DCDC1: variants seen among roughly 807,000 people sequenced by gnomAD.
DCDC1 encodes the protein doublecortin domain-containing protein 1.
In DCDC1, 200 loss-of-function variants were observed where a neutral mutation model predicts 178.3. The observed-to-expected ratio is 1.12, with a 90% CI of 1.00 to 1.26. DCDC1 has a LOEUF of 1.26. Ranked by LOEUF, DCDC1 falls within the 50% of genes most tolerant of loss-of-function variation. The pLI is 0.00. For synonymous variants in DCDC1, 690 were observed against 604.8 expected (o/e 1.14, Z -2.07); for missense variants, 1,983 against 1,749.2 (o/e 1.13, Z -2.38).
At chr11:30,961,976 C>T (rs1231259469) in intron 20 of DCDC1, among the ~76,000 whole-genome samples, 1 of 151,944 alleles carries the variant, frequency 6.6e-6, no homozygotes, top group Admixed American at 6.6e-5. Context: ...GTTAGATGCA[C>T]CGCTGAAACC....
At chr11:31,338,649 G>C (rs1189177450) in intron 1 of DCDC1, among the ~76,000 whole-genome samples, 1 of 152,120 alleles carries the variant, frequency 6.6e-6, no homozygotes, top group African/African-American at 2.4e-5. Flanking sequence ...AGCAGAAGTG[G>C]CATATGTGAT....
At chr11:31,189,927 A>G (rs756834924) in intron 9 of DCDC1, among the ~76,000 whole-genome samples, 1 of 152,238 alleles carries the variant, frequency 6.6e-6, no homozygotes, top group Non-Finnish European at 1.5e-5. Context: ...TTGAAGTGCC[A>G]TTATTTGGCC....
At chr11:30,984,917 A>G (rs1286763642) in intron 20 of DCDC1, among the ~76,000 whole-genome samples, 3 of 152,192 alleles carry the variant, frequency 2.0e-5, no homozygotes, top group Admixed American at 6.5e-5. Flanking sequence ...GGCAAGAAAT[A>G]CAGTTTTTCC....
At chr11:30,997,253 A>T (rs1234824833) in intron 20 of DCDC1, among the ~76,000 whole-genome samples, 4 of 152,216 alleles carry the variant, frequency 2.6e-5, no homozygotes, top group Non-Finnish European at 5.9e-5. Flanking sequence ...TCTTTATGAT[A>T]CTGGAGTGGT....
intron 17 of DCDC1, among the ~76,000 whole-genome samples, chr11:31,088,672 CAATT>C (rs914001958): frequency 5.3e-5 from 8 of 152,040 alleles, no homozygotes; most frequent in Admixed American, 6.6e-5. Flanking sequence ...TTTAAACAAT[CAATT>C]ATTTTTTAAA....
At chr11:31,366,878 A>C (rs1448568461) in intron 1 of DCDC1, among the ~76,000 whole-genome samples, 4 of 152,212 alleles carry the variant, frequency 2.6e-5, no homozygotes, top group Non-Finnish European at 5.9e-5. Context: ...GTAAGGAAAC[A>C]ATAACGAAGA....
In DCDC1 at chr11:31,015,815, G is replaced by T. The variant is rs1952455297; in HGVS notation, c.2591+48654C>A. Reference sequence around the variant, plus strand: ...TCCAATTGGGTGAAGCCAACTGGATGTCAGCCACTGTGTAAAGGGCCCGAG... The same window carrying T: ...TCCAATTGGGTGAAGCCAACTGGATTTCAGCCACTGTGTAAAGGGCCCGAG... On this transcript the variant is annotated intron_variant, in intron 20 of 38. Coordinates refer to ENST00000684477, the MANE Select transcript of DCDC1 (RefSeq NM_001387274.1). 2.0e-5 allele frequency among the ~76,000 whole-genome samples: 3 copies of T among 152,286 alleles called. No individual in the cohort carries two copies. In the South Asian group the frequency reaches 6.2e-4, roughly 32 times the overall value.
intron 9 of DCDC1, among the ~76,000 whole-genome samples, chr11:31,191,181 G>A (rs929023856): frequency 2.6e-5 from 4 of 152,076 alleles, no homozygotes; most frequent in Admixed American, 2.6e-4. Context: ...ATCTGTACAT[G>A]TTCAGTACAA....
chr11:30,914,153 C>T (rs1945655123), intron 27 of DCDC1, among the ~76,000 whole-genome samples: 1 of 152,254 alleles, frequency 6.6e-6, no homozygotes, highest in African/African-American at 2.4e-5. Context: ...AAACAAAAGC[C>T]TGCTGTCCTA....
chr11:31,339,579 T>G lies in DCDC1; in HGVS notation c.-124-4015A>C, dbSNP rs76145328. On this transcript the variant is annotated intron_variant, in intron 1 of 38. Transcript: ENST00000684477. ...CAATAATATTATAGTTAAAAAAAAT[T>G]TTATGAGAGCTGAGACTAGTCTGTC... 8.1e-3 allele frequency among the ~76,000 whole-genome samples: 1,227 copies of G among 152,264 alleles called. 23 individuals are homozygous for G. The highest frequency in any genetic ancestry group is 0.028 in the African/African-American group (1,175 of 41,564).
At chr11:31,040,335 T>C (rs1488631260) in intron 20 of DCDC1, among the ~76,000 whole-genome samples, 1 of 152,222 alleles carries the variant, frequency 6.6e-6, no homozygotes, top group East Asian at 1.9e-4. Flanking sequence ...CAGACTTTCC[T>C]ATGCACTATC....
At chr11:31,029,826 T>C (rs1953501378) in intron 20 of DCDC1, among the ~76,000 whole-genome samples, 1 of 152,164 alleles carries the variant, frequency 6.6e-6, no homozygotes, top group South Asian at 2.1e-4. Context: ...AATACATTAT[T>C]GATACAGATA....
At chr11:31,133,535 C>T (rs550080460) in intron 10 of DCDC1, among the ~76,000 whole-genome samples, 2 of 152,248 alleles carry the variant, frequency 1.3e-5, no homozygotes, top group East Asian at 1.9e-4. Context: ...AAACAGAACC[C>T]TAATTTGTTG....
At chr11:31,029,470 T>C (rs966355651) in intron 20 of DCDC1, among the ~76,000 whole-genome samples, 1 of 152,130 alleles carries the variant, frequency 6.6e-6, no homozygotes, top group Non-Finnish European at 1.5e-5. Flanking sequence ...ATGATATCAG[T>C]GTGCAGATGC....
chr11:31,018,042 A>T (rs746399759), intron 20 of DCDC1, among the ~76,000 whole-genome samples: 44 of 152,172 alleles, frequency 2.9e-4, no homozygotes, highest in Non-Finnish European at 5.7e-4. Context: ...ACTTAGTTTT[A>T]ATAACTGTCA....
intron 8 of DCDC1, among the ~76,000 whole-genome samples, chr11:31,250,413 C>CATATAT (rs1565496380): frequency 2.1e-5 from 2 of 93,068 alleles, no homozygotes; most frequent in African/African-American, 1.0e-4. Flanking sequence ...CACACACACA[C>CATATAT]ACATATACAT....
chr11:31,309,142 T>TGTGTGTGTGTGTGTG (rs1555173338), intron 3 of DCDC1, among the ~76,000 whole-genome samples: 74 of 148,056 alleles, frequency 5.0e-4, no homozygotes, highest in Non-Finnish European at 6.7e-4. Context: ...AAATAGATGT[T>TGTGTGTGTGTGTGTG]TGTGTGTGTG....
At chr11:30,923,569 C>T (rs892925233) in intron 23 of DCDC1, among the ~76,000 whole-genome samples, 18 of 150,260 alleles carry the variant, frequency 1.2e-4, no homozygotes, top group Admixed American at 1.0e-3. Context: ...TACAAACATT[C>T]GACATTTTGT....
rs759424359 is a variant in DCDC1, at chr11:31,137,729, G to A, written c.1277C>T (p.Ser426Leu). ...KEKITEKVIL[S>L]MTAKEHHKEQ... is the part of the protein sequence containing the mutation. ...CTTATGGTGTTCCTTTGCCGTCATT[G>A]AAAGAATGACTTTTTCTGTAATTTT... is the stretch of plus-strand genomic sequence containing the variant. The change falls in exon 10 of 39, where the codon TCA becomes TTA. Residue 426 changes from serine to leucine, a missense_variant. Ser to Leu is a moderately radical substitution (Grantham distance 145). Transcript: ENST00000684477. 1 of 702,774 alleles carries A rather than the reference G, an allele frequency of 1.4e-6. No homozygotes were observed. The highest frequency in any genetic ancestry group is 2.0e-5 in the Admixed American group (1 of 49,962). 43.5% of individuals were successfully genotyped at this position (702,774 alleles called of 1,614,324 possible).
Sources: allele counts gnomAD v4.1 joint callset (sites outside exome capture counted in the v4.1 genomes callset), GRCh38; gene constraint gnomAD v4.1.1; transcripts MANE v1.5; gene names NCBI Gene and HGNC (gene_info 2026-07-23, HGNC 2026-07-21).